Variants in IL22RA2 observed in about 807,000 individuals in gnomAD.
The protein encoded by IL22RA2 is interleukin-22 receptor subunit alpha-2.
In IL22RA2, 39 loss-of-function variants were observed where a neutral mutation model predicts 30.7. The observed-to-expected ratio is 1.27, with a 90% CI of 0.98 to 1.66. IL22RA2 has a LOEUF of 1.66. IL22RA2 is among the 40% of genes most tolerant of loss of function. The pLI, the probability that IL22RA2 is intolerant of heterozygous loss-of-function variation, is 0.00. For synonymous variants in IL22RA2, 103 were observed against 105.0 expected (o/e 0.98, Z 0.11); for missense variants, 315 against 312.7 (o/e 1.01, Z -0.05).
chr6:137,157,234 ATCT>A (rs886141798), intron 3 of IL22RA2, among the ~76,000 whole-genome samples: 2 of 152,112 alleles, frequency 1.3e-5, no homozygotes, highest in Non-Finnish European at 2.9e-5. Context: ...ACAGTTTCTA[ATCT>A]TCTTAGTACT....
intron 1 of IL22RA2, among the ~76,000 whole-genome samples, chr6:137,168,202 T>A (rs1778658996): frequency 6.6e-6 from 1 of 152,204 alleles, no homozygotes; most frequent in African/African-American, 2.4e-5. Context: ...CCAGACCTAC[T>A]ATGAGTGTAC....
chr6:137,169,190 G>C (rs1377699318), intron 1 of IL22RA2, among the ~76,000 whole-genome samples: 1 of 152,228 alleles, frequency 6.6e-6, no homozygotes, highest in Non-Finnish European at 1.5e-5. Flanking sequence ...TTCAGAACCA[G>C]ATAGGGGAAA....
chr6:137,162,966 G>A (rs1778551362), intron 1 of IL22RA2, among the ~76,000 whole-genome samples: 1 of 152,112 alleles, frequency 6.6e-6, no homozygotes, highest in African/African-American at 2.4e-5. Context: ...TTGCTGCAAA[G>A]TGTGACCCCC....
intron 4 of IL22RA2, 40 bp downstream of exon 4, chr6:137,156,719 A>T: frequency 6.3e-7 from 1 of 1,599,410 alleles, no homozygotes; most frequent in Non-Finnish European, 8.6e-7. Context: ...CTATAACAGA[A>T]CACCTGAGGC....
chr6:137,157,829 A>G (rs944217331), intron 3 of IL22RA2, among the ~76,000 whole-genome samples: 2 of 152,206 alleles, frequency 1.3e-5, no homozygotes, highest in African/African-American at 4.8e-5. Flanking sequence ...CGAGAGGAAC[A>G]TGCAGCAGCG....
intron 2 of IL22RA2, among the ~76,000 whole-genome samples, chr6:137,160,118 C>T (rs1778493877): frequency 6.6e-6 from 1 of 152,204 alleles, no homozygotes; most frequent in Non-Finnish European, 1.5e-5. Flanking sequence ...AGAACATAAA[C>T]ATTCCAGAAG....
At position 137,145,562 on chromosome 6, in the gene IL22RA2, G is replaced by A. The variant is rs770731699; in HGVS notation, c.*62C>T. 22 of 1,451,106 alleles carry A rather than the reference G, an allele frequency of 1.5e-5. No homozygotes were observed. The African/African-American group carries it at 1.7e-4, about 11-fold the overall frequency. The allele number at this position is 1,451,106 out of a possible 1,614,324, so 89.9% of individuals were successfully genotyped here. A position where few individuals can be genotyped will look rare whatever the true frequency, so the allele number is the denominator to read the frequency against. ...ATTTTAAATAAGATCCTTCAAACAC[G>A]AGTCATCCTGTTCTCAGGGAGCTTT... On this transcript the variant is annotated 3_prime_UTR_variant, in exon 7 of 7. Coordinates refer to ENST00000296980, the MANE Select transcript of IL22RA2 (RefSeq NM_052962.3).
At chr6:137,172,592 C>T (rs912301517) in intron 1 of IL22RA2, among the ~76,000 whole-genome samples, 3 of 152,248 alleles carry the variant, frequency 2.0e-5, no homozygotes, top group Non-Finnish European at 2.9e-5. Flanking sequence ...AGGGGATCTC[C>T]GCTCTGCCTC....
rs1582605471 is a variant in IL22RA2, at chr6:137,160,014, C to T, written c.62-1532G>A. ...GTTTTCACTTTTATTGTTTGGACCA[C>T]CATCAGTGCATCAAATGGTGTTGTG... On this transcript the variant is annotated intron_variant, in intron 2 of 6. Transcript: ENST00000296980. Among the ~76,000 whole-genome samples, 7 of 152,340 alleles carry T rather than the reference C, an allele frequency of 4.6e-5. No homozygotes were observed. The South Asian group carries it at 1.4e-3, about 32-fold the overall frequency.
At chr6:137,153,933 A>T (rs1460351608) in intron 5 of IL22RA2, among the ~76,000 whole-genome samples, 1 of 152,228 alleles carries the variant, frequency 6.6e-6, no homozygotes, top group Non-Finnish European at 1.5e-5. Context: ...TATTAACTAC[A>T]GCTTCATGAC....
chr6:137,160,390 A>G (rs1238252526), intron 2 of IL22RA2, among the ~76,000 whole-genome samples: 1 of 152,220 alleles, frequency 6.6e-6, no homozygotes, highest in Non-Finnish European at 1.5e-5. Flanking sequence ...ACAGACTGAA[A>G]AAACGAAGCC....
chr6:137,161,081 C>T (rs980244747), intron 2 of IL22RA2, among the ~76,000 whole-genome samples: 13 of 152,220 alleles, frequency 8.5e-5, no homozygotes, highest in Non-Finnish European at 1.8e-4. Context: ...GTTTCCTCCA[C>T]GAATACCAGA....
At chr6:137,161,539 A>C in intron 2 of IL22RA2, 150 bp downstream of exon 2, 1 of 653,218 alleles carries the variant, frequency 1.5e-6, no homozygotes. Context: ...GCAGATAGAC[A>C]CTAACCCCAT....
intron 1 of IL22RA2, among the ~76,000 whole-genome samples, chr6:137,164,391 C>G (rs555044273): frequency 9.9e-5 from 15 of 152,284 alleles, no homozygotes; most frequent in African/African-American, 3.4e-4. Flanking sequence ...TAAGTGGCTG[C>G]AGGCCTACTT....
At chr6:137,159,738 G>A (rs984970698) in intron 2 of IL22RA2, among the ~76,000 whole-genome samples, 1 of 152,060 alleles carries the variant, frequency 6.6e-6, no homozygotes, top group Non-Finnish European at 1.5e-5. Context: ...CTGCCTTAGG[G>A]CCTCTGCACT....
chr6:137,158,997 C>T (rs1408394098), intron 2 of IL22RA2, among the ~76,000 whole-genome samples: 1 of 152,186 alleles, frequency 6.6e-6, no homozygotes, highest in African/African-American at 2.4e-5. Flanking sequence ...CCTTTGCTGT[C>T]CCACTCCTGA....
At chr6:137,168,653 G>C (rs28741406) in intron 1 of IL22RA2, among the ~76,000 whole-genome samples, 1,693 of 131,140 alleles carry the variant, frequency 0.013, 32 homozygotes, top group African/African-American at 0.063. Context: ...GGGCTGCTCT[G>C]TTTGCCAGCC....
At position 137,147,834 on chromosome 6, in the gene IL22RA2, A is replaced by T. The variant is rs749280785; in HGVS notation, c.530T>A (p.Ile177Asn). 2 of 1,613,652 alleles carry T rather than the reference A, an allele frequency of 1.2e-6. No individual in the cohort carries two copies. The highest frequency in any genetic ancestry group is 1.7e-6 in the Non-Finnish European group (2 of 1,179,692). The change falls in exon 6 of 7, where the codon ATT (isoleucine) becomes AAT (asparagine). Residue 177 changes from isoleucine (I) to asparagine (N), a missense_variant. Transcript: ENST00000296980. ...ITQVNGSLLV[I>N]LHAPNLPYRY... ...ATATGGTAAATTTGGAGCATGGAGA[A>T]TTACCAACAAAGAGCCATTGACTTG...
At position 137,167,934 on chromosome 6, in the gene IL22RA2, A is replaced by C. The variant is rs536395686; in HGVS notation, c.-66+5479T>G. ...TGAAGCCTGAGGAAGTCAATGATAC[A>C]TAAGTAAATGTAGACTAAATTTACA... On this transcript the variant is annotated intron_variant, in intron 1 of 6. Coordinates refer to ENST00000296980, the MANE Select transcript of IL22RA2 (RefSeq NM_052962.3). Among the ~76,000 whole-genome samples, 5 of 152,388 alleles carry C rather than the reference A, an allele frequency of 3.3e-5. No homozygotes were observed. In the South Asian group the frequency reaches 1.0e-3, roughly 32 times the overall value.
Sources: allele counts gnomAD v4.1 joint callset (sites outside exome capture counted in the v4.1 genomes callset), GRCh38; gene constraint gnomAD v4.1.1; transcripts MANE v1.5; gene names NCBI Gene and HGNC (gene_info 2026-07-23, HGNC 2026-07-21).